The following LAMA2 variants were observed in gnomAD, a reference collection of about 807,000 sequenced individuals.
The protein encoded by LAMA2 is laminin subunit alpha-2.
LAMA2 carries 269 observed loss-of-function variants against 364.8 expected under a neutral mutation model. The observed-to-expected ratio is 0.74, with a 90% CI of 0.67 to 0.82. The LOEUF (loss-of-function observed/expected upper bound fraction) is 0.82, where lower values mean the gene tolerates loss of function less well. LAMA2 is among the 40% of genes least tolerant of loss of function. LAMA2 has a pLI of 0.00. For missense variants in LAMA2, 3,807 were observed against 3,873.2 expected, an observed-to-expected ratio of 0.98 and a Z score of 0.45; for synonymous variants, 1,379 against 1,370.6, an observed-to-expected ratio of 1.01 and a Z score of -0.14.
chr6:129,481,443 C>A lies in LAMA2; in HGVS notation c.7749+4C>A. On this transcript the variant is annotated splice_donor_region_variant and intron_variant, in intron 55 of 64. Transcript: ENST00000421865. The stretch of plus-strand genomic sequence containing the variant: ...AAAACGAAGGCAGACTGGACAGGTA[C>A]CCTCACACCTAGCTGATAATGCATT... 6.2e-7 allele frequency: 1 copy of A among 1,609,698 alleles called. No homozygotes were observed. The highest frequency in any genetic ancestry group is 8.5e-7 in the Non-Finnish European group (1 of 1,176,056).
intron 29 of LAMA2, among the ~76,000 whole-genome samples, chr6:129,336,381 T>A (rs1264858379): frequency 6.6e-6 from 1 of 152,158 alleles, no homozygotes; most frequent in Non-Finnish European, 1.5e-5. Context: ...GAAAACCTAG[T>A]TTTCTAAATC....
At chr6:129,101,646 T>A (rs1392955902) in intron 4 of LAMA2, among the ~76,000 whole-genome samples, 1 of 152,216 alleles carries the variant, frequency 6.6e-6, no homozygotes, top group Non-Finnish European at 1.5e-5. Flanking sequence ...CATTTCCCCA[T>A]TACACTAGCC....
At chr6:129,302,243 CTT>C (rs946728543) in intron 22 of LAMA2, among the ~76,000 whole-genome samples, 130 of 152,062 alleles carry the variant, frequency 8.5e-4, no homozygotes, top group African/African-American at 3.0e-3. Flanking sequence ...GTGTATTTCT[CTT>C]GTTTGCATTT....
At chr6:129,089,159 A>T (rs887733922) in intron 3 of LAMA2, among the ~76,000 whole-genome samples, 2 of 152,240 alleles carry the variant, frequency 1.3e-5, no homozygotes, top group African/African-American at 4.8e-5. Flanking sequence ...GCTAAAATTG[A>T]CTAAGTGTTA....
In LAMA2 at chr6:128,937,649, A is replaced by G. The variant is rs12663142; in HGVS notation, c.112+54292A>G. 1.1e-4 allele frequency among the ~76,000 whole-genome samples: 16 copies of G among 151,522 alleles called. No individual in the cohort carries two copies. In the East Asian group the frequency reaches 3.1e-3, roughly 30 times the overall value. On this transcript the variant is annotated intron_variant, in intron 1 of 64. Transcript: ENST00000421865. ...TTTCTGTTGCAATGTCTCCTCTTTA[A>G]TTTATAATTTTATTTAGTTGAATCC...
chr6:129,370,550 A>T, intron 34 of LAMA2, among the ~76,000 whole-genome samples: 1 of 152,240 alleles, frequency 6.6e-6, no homozygotes, highest in East Asian at 1.9e-4. Context: ...CGATGGTATT[A>T]AAAACTTTTT....
At chr6:128,994,060 T>C (rs953126640) in intron 1 of LAMA2, among the ~76,000 whole-genome samples, 1 of 152,208 alleles carries the variant, frequency 6.6e-6, no homozygotes, top group African/African-American at 2.4e-5. Flanking sequence ...ACAAAAGATC[T>C]GTATGAAATG....
At chr6:129,171,677 A>G (rs1386216390) in intron 9 of LAMA2, among the ~76,000 whole-genome samples, 4 of 137,022 alleles carry the variant, frequency 2.9e-5, no homozygotes, top group Non-Finnish European at 4.7e-5. Flanking sequence ...CTCGAGGAGT[A>G]TCTTTGTGGC....
rs141479751 is a variant in LAMA2, at chr6:129,507,513, G to C, written c.8728G>C (p.Val2910Leu). ...GGTGACCTATAGCATTGATGGCTGC[G>C]TCAGGAATCTCCACATGGCAGAGGC... Reference protein sequence around the residue: ...GPVTYSIDGCVRNLHMAEAPA... With the variant: ...GPVTYSIDGCLRNLHMAEAPA... The change falls in exon 62 of 65, where the codon GTC (valine) becomes CTC (leucine). Residue 2910 changes from valine to leucine, a missense_variant. By Grantham distance (32) the Val-to-Leu change is conservative. Coordinates refer to ENST00000421865, the MANE Select transcript of LAMA2 (RefSeq NM_000426.4). The C allele has an allele frequency of 5.0e-6, 8 of 1,614,020 alleles. No individual in the cohort carries two copies. The Admixed American group carries it at 1.0e-4, about 20-fold the overall frequency.
chr6:128,899,393 A>G (rs752840367), intron 1 of LAMA2, among the ~76,000 whole-genome samples: 14 of 152,242 alleles, frequency 9.2e-5, no homozygotes, highest in Non-Finnish European at 1.6e-4. Flanking sequence ...TATTTAATCA[A>G]CTAGTTCCTT....
chr6:129,460,309 A>G lies in LAMA2; in HGVS notation c.6977A>G (p.Lys2326Arg), dbSNP rs1783185621. The change falls in exon 49 of 65, where the codon AAA becomes AGA. Residue 2326 changes from lysine (K) to arginine (R), a missense_variant. This residue lies in a region of LAMA2 where 3,333 missense variants were observed against 3,345.7 expected (regional missense o/e 1.00). Coordinates refer to ENST00000421865, the MANE Select transcript of LAMA2 (RefSeq NM_000426.4). ...WNFREKEGDCKGCTVSPQVED... is the reference protein window; with the variant it reads ...WNFREKEGDCRGCTVSPQVED... ...TTCCGAGAAAAAGAAGGTGACTGCA[A>G]AGGATGCACTGTCAGGTTAGTTGAG... 4 of 1,612,244 alleles carry G rather than the reference A, an allele frequency of 2.5e-6. No homozygotes were observed. The highest frequency in any genetic ancestry group is 3.4e-6 in the Non-Finnish European group (4 of 1,178,714).
intron 22 of LAMA2, among the ~76,000 whole-genome samples, chr6:129,308,165 A>G (rs1198083030): frequency 6.6e-6 from 1 of 152,276 alleles, no homozygotes; most frequent in African/African-American, 2.4e-5. Flanking sequence ...TCTATTGTCA[A>G]TAGCATTATT....
Position 129,328,330 on chromosome 6 carries a change from C to A in LAMA2, c.4229C>A (p.Pro1410His), listed in dbSNP as rs769665275. The A allele has an allele frequency of 6.2e-7, 1 of 1,614,198 alleles. No individual in the cohort carries two copies. Among genetic ancestry groups the A allele is most frequent in the Admixed American group, 1.7e-5 (1 of 60,024 alleles). Residue 1410 changes from proline to histidine, a missense_variant, in exon 29 of 65, where the codon CCT becomes CAT. Pro to His is a moderately conservative substitution (Grantham distance 77). Coordinates refer to ENST00000421865, the MANE Select transcript of LAMA2 (RefSeq NM_000426.4). The stretch of plus-strand genomic sequence containing the variant: ...CGTTCTCAACCAGGTGGCCGCACCC[C>A]TGGACCAACCCTGGGCACCTGTGTT... ...RLRSQPGGRT[P>H]GPTLGTCVPC...
At chr6:129,273,346 G>GC (rs1451106542) in intron 17 of LAMA2, among the ~76,000 whole-genome samples, 2 of 152,264 alleles carry the variant, frequency 1.3e-5, no homozygotes, top group East Asian at 3.9e-4. Context: ...CAGAAGTATT[G>GC]CATCTGGCCA....
At chr6:129,019,841 T>C (rs1376802774) in intron 1 of LAMA2, among the ~76,000 whole-genome samples, 1 of 152,120 alleles carries the variant, frequency 6.6e-6, no homozygotes, top group Non-Finnish European at 1.5e-5. Context: ...CTAGCACTTC[T>C]GTGAGGCTGA....
At chr6:129,515,909 G>A (rs546082790) in intron 64 of LAMA2, among the ~76,000 whole-genome samples, 13 of 152,158 alleles carry the variant, frequency 8.5e-5, no homozygotes, top group African/African-American at 2.4e-4. Context: ...GCAACACGGC[G>A]AAGGGAGGAT....
chr6:129,344,227 C>T (rs558899732), intron 30 of LAMA2, among the ~76,000 whole-genome samples: 1 of 152,154 alleles, frequency 6.6e-6, no homozygotes, highest in East Asian at 1.9e-4. Flanking sequence ...AATTAAAAGG[C>T]TAGTATACTA....
Position 128,920,669 on chromosome 6 carries a change from C to CAT in LAMA2, c.112+37325_112+37326dup, listed in dbSNP as rs373223795. Among the ~76,000 whole-genome samples the CAT allele has an allele frequency of 1.9e-3, 286 of 148,872 alleles. 2 individuals are homozygous for CAT. The highest frequency in any genetic ancestry group is 7.1e-3 in the Middle Eastern group (2 of 282). ...ATAAGTATTTGTTATACAGACATTA[C>CAT]ATATATATATATATTATATATACAT... On this transcript the variant is annotated intron_variant, in intron 1 of 64. Transcript: ENST00000421865.
rs373031923 is a variant in LAMA2 at position 129,156,286 on chromosome 6, A to T, written c.1206+1603A>T. On this transcript the variant is annotated intron_variant, in intron 8 of 64. Transcript: ENST00000421865. ...AACAAGTATTGAGGAAAATAACATCATAATAATATTGAATCATTTAACCAA... is the reference window on the plus strand; with the variant it reads ...AACAAGTATTGAGGAAAATAACATCTTAATAATATTGAATCATTTAACCAA... 9.9e-5 allele frequency among the ~76,000 whole-genome samples: 15 copies of T among 152,012 alleles called. No homozygotes were observed. In the South Asian group the frequency reaches 1.9e-3, roughly 19 times the overall value.
Sources: allele counts gnomAD v4.1 joint callset (sites outside exome capture counted in the v4.1 genomes callset), GRCh38; gene constraint gnomAD v4.1.1; regional missense constraint gnomAD v4.1.1; transcripts MANE v1.5; gene names NCBI Gene and HGNC (gene_info 2026-07-23, HGNC 2026-07-21).